Variants in GPM6B observed in about 807,000 individuals in gnomAD.
The protein encoded by GPM6B is neuronal membrane glycoprotein M6-b.
GPM6B carries 4 observed loss-of-function variants against 27.2 expected under a neutral mutation model. That is an observed-to-expected ratio of 0.15 (90% CI 0.07 to 0.34). GPM6B has a LOEUF of 0.34. GPM6B is among the 10% of genes least tolerant of loss of function. The pLI, the probability that GPM6B is intolerant of heterozygous loss-of-function variation, is 1.00. For missense variants in GPM6B, 183 were observed against 261.9 expected (o/e 0.70, Z 2.08); for synonymous variants, 124 against 103.1 (o/e 1.20, Z -1.23).
chrX:13,921,998 T>C (rs1201171996), intron 1 of GPM6B, among the ~76,000 whole-genome samples: 1 of 111,759 alleles, frequency 8.9e-6, no homozygotes, highest in African/African-American at 3.3e-5. Flanking sequence ...TGCCCAGGTG[T>C]TGCCATGGCA....
intron 1 of GPM6B, among the ~76,000 whole-genome samples, chrX:13,929,961 A>G (rs1448674452): frequency 8.9e-6 from 1 of 111,900 alleles, no homozygotes; most frequent in Non-Finnish European, 1.9e-5. Flanking sequence ...TAAATACCCA[A>G]GCAAATACTA....
chrX:13,899,538 T>C (rs2050264455), intron 1 of GPM6B, among the ~76,000 whole-genome samples: 1 of 110,253 alleles, frequency 9.1e-6, no homozygotes, highest in African/African-American at 3.3e-5. Flanking sequence ...AAATGTAGCC[T>C]GGGTAAATGG....
At chrX:13,862,106 T>C (rs1385617204) in intron 1 of GPM6B, among the ~76,000 whole-genome samples, 1 of 111,156 alleles carries the variant, frequency 9.0e-6, no homozygotes, top group Non-Finnish European at 1.9e-5. Context: ...ATGGATTAAG[T>C]TCTTAAGTCA....
At chrX:13,856,700 TTTTA>T (rs1194444448) in intron 1 of GPM6B, among the ~76,000 whole-genome samples, 1 of 89,169 alleles carries the variant, frequency 1.1e-5, no homozygotes, top group Non-Finnish European at 2.4e-5. Context: ...TTATTTTTTT[TTTTA>T]TTATTTTTTT....
chrX:13,798,181 C>G (rs990979193), intron 2 of GPM6B, among the ~76,000 whole-genome samples: 1 of 110,673 alleles, frequency 9.0e-6, no homozygotes, highest in Non-Finnish European at 1.9e-5. Context: ...CTACAAGACA[C>G]ACTAGTAATT....
chrX:13,804,426 CGGGG>C (rs1246725890), intron 2 of GPM6B, among the ~76,000 whole-genome samples: 5 of 3,713 alleles, frequency 1.3e-3, no homozygotes, highest in Non-Finnish European at 2.7e-3. Context: ...GCGGGGGGGG[CGGGG>C]GGCGGGGGTA....
chrX:13,881,239 G>A (rs190947431), intron 1 of GPM6B, among the ~76,000 whole-genome samples: 57 of 112,633 alleles, frequency 5.1e-4, no homozygotes, highest in African/African-American at 1.6e-3. Flanking sequence ...AACTGGGCAC[G>A]TGGCTCACGC....
intron 2 of GPM6B, among the ~76,000 whole-genome samples, chrX:13,792,537 T>C (rs1186031960): frequency 9.1e-6 from 1 of 110,464 alleles, no homozygotes; most frequent in Non-Finnish European, 1.9e-5. Flanking sequence ...CCTCCTAGAA[T>C]ACACAGGACA....
intron 1 of GPM6B, among the ~76,000 whole-genome samples, chrX:13,841,259 G>A (rs1054211616): frequency 2.7e-5 from 3 of 111,637 alleles, no homozygotes; most frequent in Admixed American, 9.4e-5. Context: ...AGATGCCTCC[G>A]TCATCCTTCC....
chrX:13,866,174 A>G (rs1279612300), intron 1 of GPM6B, among the ~76,000 whole-genome samples: 2 of 111,358 alleles, frequency 1.8e-5, no homozygotes, highest in Non-Finnish European at 3.8e-5. Flanking sequence ...GACCAGCCTG[A>G]CCAACATGGA....
At chrX:13,874,793 G>A (rs2050016774) in intron 1 of GPM6B, among the ~76,000 whole-genome samples, 1 of 111,762 alleles carries the variant, frequency 8.9e-6, no homozygotes, top group South Asian at 3.8e-4. Context: ...CCACATAAGG[G>A]ATGTGTGGCT....
At chrX:13,934,396 T>C (rs1234438876) in intron 1 of GPM6B, among the ~76,000 whole-genome samples, 1 of 111,986 alleles carries the variant, frequency 8.9e-6, no homozygotes, top group East Asian at 2.8e-4. Flanking sequence ...AAGCATTGCA[T>C]GTATGGGTCT....
chrX:13,809,915 CAAA>C (rs750794950), intron 1 of GPM6B, among the ~76,000 whole-genome samples: 3 of 48,291 alleles, frequency 6.2e-5, no homozygotes, highest in Admixed American at 3.0e-4. Context: ...CCAGCCTGGG[CAAA>C]AAAAAAAAAA....
At chrX:13,938,560 C>G (rs751988734), upstream of GPM6B, 2 of 821,735 alleles carry the variant, frequency 2.4e-6, no homozygotes, top group Non-Finnish European at 1.6e-6. Flanking sequence ...TCGGGCTCCC[C>G]GGGGACGGGC....
chrX:13,785,527 A>T, intron 3 of GPM6B, 95 bp downstream of exon 3: 1 of 833,149 alleles, frequency 1.2e-6, no homozygotes, highest in Non-Finnish European at 1.8e-6. Context: ...ACTTCAGGTG[A>T]TCTGCCTGCC....
intron 1 of GPM6B, among the ~76,000 whole-genome samples, chrX:13,933,977 G>A (rs1178027434): frequency 9.0e-6 from 1 of 110,987 alleles, no homozygotes; most frequent in Non-Finnish European, 1.9e-5. Flanking sequence ...AAAATGTTTA[G>A]GCTACATAAG....
chrX:13,925,132 A>G (rs1921104651), intron 1 of GPM6B, among the ~76,000 whole-genome samples: 1 of 111,467 alleles, frequency 9.0e-6, no homozygotes, highest in Non-Finnish European at 1.9e-5. Flanking sequence ...TTTGCTACTC[A>G]GCAGGTTCTG....
rs901209898 is a variant in GPM6B at position 13,923,650 on chromosome X, A to T, written c.-198+14677T>A. On this transcript the variant is annotated intron_variant, in intron 1 of 6. Coordinates refer to the GPM6B transcript ENST00000398361. ...CCAAGGAAATTTCATTATCATGAAT[A>T]ACATCTCCAAACATGGAAGTAATGT... 2.7e-5 allele frequency among the ~76,000 whole-genome samples: 3 copies of T among 112,333 alleles called. No homozygotes were observed. The East Asian group carries it at 8.4e-4, about 31-fold the overall frequency.
intron 1 of GPM6B, among the ~76,000 whole-genome samples, chrX:13,890,550 G>A (rs1472277540): frequency 1.8e-5 from 2 of 111,629 alleles, no homozygotes; most frequent in African/African-American, 6.5e-5. Context: ...ATTGAAGAAG[G>A]AAGTGTTGAA....
Sources: gnomAD v4.1 joint callset for allele counts (sites outside exome capture counted in the v4.1 genomes callset) on GRCh38, gnomAD v4.1.1 for gene constraint, MANE v1.5 for transcripts, NCBI Gene and HGNC (gene_info 2026-07-23, HGNC 2026-07-21) for gene names.